The following QTRT1 variants were observed in gnomAD, a reference collection of about 807,000 sequenced individuals.
QTRT1 encodes queuine tRNA-ribosyltransferase catalytic subunit 1.
Under a neutral mutation model 44.0 loss-of-function variants are expected in QTRT1, and 41 were observed. The observed-to-expected ratio is 0.93, with a 90% CI of 0.73 to 1.21. QTRT1 has a LOEUF of 1.21. QTRT1 is among the 50% of genes most tolerant of loss of function. The pLI is 0.00. For synonymous variants in QTRT1, 226 were observed against 237.1 expected, an observed-to-expected ratio of 0.95 and a Z score of 0.43; for missense variants, 542 against 575.8, an observed-to-expected ratio of 0.94 and a Z score of 0.60.
rs544257924 is a variant in QTRT1, at chr19:10,703,583, G to A, written c.451+1329G>A. Among the ~76,000 whole-genome samples the A allele has an allele frequency of 2.0e-4, 31 of 152,224 alleles. 1 individual carries two copies. In the Middle Eastern group the frequency reaches 0.027, roughly 134 times the overall value. Reference sequence around the variant, plus strand: ...CCAGCACTTTGGGAGGCGGAGGCGCGATCATGACTCACTGCAACAGCTGCC... The same window carrying A: ...CCAGCACTTTGGGAGGCGGAGGCGCAATCATGACTCACTGCAACAGCTGCC... On this transcript the variant is annotated intron_variant, in intron 3 of 9. Transcript: ENST00000250237.
intron 5 of QTRT1, among the ~76,000 whole-genome samples, chr19:10,707,950 C>CTT (rs777900408): frequency 4.2e-5 from 6 of 141,960 alleles, no homozygotes; most frequent in Non-Finnish European, 7.7e-5. Flanking sequence ...ATTTATTTTA[C>CTT]TTTTTTTTTT....
rs892083 is a variant in QTRT1, at chr19:10,712,927, C to T, written c.972-26C>T. On this transcript the variant is annotated intron_variant, in intron 8 of 9. Transcript: ENST00000250237. This position sits in a 1 kb window ranked among gnomAD's most constrained non-coding sequence, Gnocchi z 5.6. ...ATGGAGGGGACAGGGCCTGGCCGTG[C>T]TGAGCTGTCCCCTGCCGCTCTACAG... 6.2e-7 allele frequency: 1 copy of T among 1,612,702 alleles called. No homozygotes were observed. The highest frequency in any genetic ancestry group is 1.3e-5 in the African/African-American group (1 of 74,924).
At chr19:10,709,878 G>T (rs542583338) in intron 5 of QTRT1, among the ~76,000 whole-genome samples, 22 of 152,114 alleles carry the variant, frequency 1.4e-4, no homozygotes, top group African/African-American at 5.3e-4. Flanking sequence ...AGGCATGGTG[G>T]TGGGCACCTG....
intron 3 of QTRT1, among the ~76,000 whole-genome samples, chr19:10,706,004 G>GCCA (rs1016227869): frequency 6.6e-5 from 10 of 151,406 alleles, no homozygotes; most frequent in Non-Finnish European, 1.5e-4. Flanking sequence ...ACAGGTGACC[G>GCCA]CCACCACGCC....
At chr19:10,702,441 G>A (rs1179688279) in intron 3 of QTRT1, among the ~76,000 whole-genome samples, 187 bp downstream of exon 3, 2 of 152,160 alleles carry the variant, frequency 1.3e-5, no homozygotes, top group African/African-American at 4.8e-5. Flanking sequence ...GTACATATGA[G>A]ATGATGTCAG....
At chr19:10,708,197 T>G (rs11671968) in intron 5 of QTRT1, among the ~76,000 whole-genome samples, 86,521 of 151,068 alleles carry the variant, frequency 0.57, 24,982 homozygotes, top group South Asian at 0.63. Flanking sequence ...ACTCCTGACC[T>G]TGTGATCTGC....
Position 10,701,725 on chromosome 19 carries a change from G to A in QTRT1, c.243+22G>A, listed in dbSNP as rs758957508. ...GCCGGTGGGTGGGCTCTGCCCGCGC[G>A]GGGAGGCGGCGAGGCGGCGAGGCGT... On this transcript the variant is annotated intron_variant, in intron 1 of 9. Transcript: ENST00000250237. 8.3e-6 allele frequency: 13 copies of A among 1,565,192 alleles called. No individual in the cohort carries two copies. The South Asian group carries it at 1.2e-4, about 14-fold the overall frequency.
Position 10,707,750 on chromosome 19 carries a change from C to T in QTRT1, c.646+135C>T, listed in dbSNP as rs181306246. 40 of 568,178 alleles carry T rather than the reference C, an allele frequency of 7.0e-5. 1 individual carries two copies. Among genetic ancestry groups the T allele is most frequent in the African/African-American group, 5.2e-4 (28 of 53,442 alleles). The allele number at this position is 568,178 out of a possible 1,614,324, so 35.2% of individuals were successfully genotyped here. On this transcript the variant is annotated intron_variant, in intron 5 of 9. Coordinates refer to ENST00000250237, the MANE Select transcript of QTRT1 (RefSeq NM_031209.3). Reference sequence around the variant, plus strand: ...AAAAAATAGCCGGAGCAAAGGCTCTCGGGCCACGTGCAGTAGAATGTATTG... The same window carrying T: ...AAAAAATAGCCGGAGCAAAGGCTCTTGGGCCACGTGCAGTAGAATGTATTG...
intron 5 of QTRT1, among the ~76,000 whole-genome samples, chr19:10,707,835 TG>T (rs1215177113): frequency 7.2e-5 from 2 of 27,788 alleles, no homozygotes; most frequent in East Asian, 5.6e-3. Flanking sequence ...TGTTTGTTTT[TG>T]TTTTTTTTTT....
In QTRT1 at chr19:10,712,650, G is replaced by T; in HGVS notation, c.861+22G>T. The T allele has an allele frequency of 6.5e-7, 1 of 1,539,626 alleles. No homozygotes were observed. Among genetic ancestry groups the T allele is most frequent in the Non-Finnish European group, 8.8e-7 (1 of 1,132,894 alleles). On this transcript the variant is annotated intron_variant, in intron 7 of 9. Coordinates refer to ENST00000250237, the MANE Select transcript of QTRT1 (RefSeq NM_031209.3). The surrounding 1 kb of genome is among the most constrained non-coding windows in gnomAD (Gnocchi z 5.6). Reference sequence around the variant, plus strand: ...AGCGGTGAGGCTCTGGCAGAAGGAGGTCAGGGCGGGAGACGGGTGGGGGAC... The same window carrying T: ...AGCGGTGAGGCTCTGGCAGAAGGAGTTCAGGGCGGGAGACGGGTGGGGGAC...
At position 10,712,404 on chromosome 19, in the gene QTRT1, T is replaced by G; in HGVS notation, c.785+105T>G. The G allele has an allele frequency of 1.3e-6, 2 of 1,495,126 alleles. No homozygotes were observed. The highest frequency in any genetic ancestry group is 1.8e-6 in the Non-Finnish European group (2 of 1,091,146). The allele number at this position is 1,495,126 out of a possible 1,614,324, so 92.6% of individuals were successfully genotyped here. A position where few individuals can be genotyped will look rare whatever the true frequency, so the allele number is the denominator to read the frequency against. On this transcript the variant is annotated intron_variant, in intron 6 of 9. Transcript: ENST00000250237. The surrounding 1 kb of genome is among the most constrained non-coding windows in gnomAD (Gnocchi z 5.6). ...GGCATTTGGGGGAAACGGACACAGG[T>G]CTGATCTGAGGAGACTAGGAAGACA...
Position 10,713,228 on chromosome 19 carries a change from G to A in QTRT1, c.1170G>A (p.Trp390Ter), listed in dbSNP as rs1190878234. The part of the protein sequence containing the change: ...MYGDPTLCPT[W>*]ATDALASVGI... ...GGGATCCCACCCTCTGTCCCACCTG[G>A]GCCACTGACGCTCTGGCCTCTGTGG... The change falls in exon 10 of 10, where the codon TGG becomes TGA. Residue 390 changes from tryptophan (W) to a stop codon, truncating the protein, a stop_gained. Coordinates refer to ENST00000250237, the MANE Select transcript of QTRT1 (RefSeq NM_031209.3). LOFTEE classifies it high-confidence loss of function. The surrounding 1 kb of genome is among the most constrained non-coding windows in gnomAD (Gnocchi z 4.3). 1 of 1,603,736 alleles carries A rather than the reference G, an allele frequency of 6.2e-7. No homozygotes were observed. Among genetic ancestry groups the A allele is most frequent in the Non-Finnish European group, 8.5e-7 (1 of 1,174,940 alleles).
chr19:10,703,532 T>C (rs925621151), intron 3 of QTRT1, among the ~76,000 whole-genome samples: 5 of 152,130 alleles, frequency 3.3e-5, no homozygotes, highest in Admixed American at 1.3e-4. Context: ...AGCCACGTGC[T>C]GGGTGCGGTG....
chr19:10,702,668 A>G lies in QTRT1; in HGVS notation c.451+414A>G, dbSNP rs191821487. 6.8e-3 allele frequency among the ~76,000 whole-genome samples: 1,031 copies of G among 152,174 alleles called. 11 individuals are homozygous for G. Among genetic ancestry groups the G allele is most frequent in the Middle Eastern group, 0.017 (5 of 294 alleles). ...AAATAAAAAATAAAAAATAAAAAAA[A>G]CAAATTAATTGGACAAATATCTGTT... On this transcript the variant is annotated intron_variant, in intron 3 of 9. Coordinates refer to ENST00000250237, the MANE Select transcript of QTRT1 (RefSeq NM_031209.3).
At chr19:10,710,182 C>T (rs1467159091) in intron 5 of QTRT1, among the ~76,000 whole-genome samples, 1 of 150,836 alleles carries the variant, frequency 6.6e-6, no homozygotes, top group Non-Finnish European at 1.5e-5. Flanking sequence ...GAGACCCTGT[C>T]TCAAAAAAAA....
intron 3 of QTRT1, among the ~76,000 whole-genome samples, chr19:10,705,340 G>A (rs529783620): frequency 1.3e-5 from 2 of 151,978 alleles, no homozygotes; most frequent in Admixed American, 6.6e-5. Flanking sequence ...CTGGGTTCAA[G>A]CACTTCTCCT....
intron 5 of QTRT1, among the ~76,000 whole-genome samples, chr19:10,708,641 G>A (rs755174022): frequency 4.0e-5 from 6 of 151,860 alleles, no homozygotes; most frequent in Admixed American, 3.3e-4. Context: ...CCCATGATCC[G>A]ACCAGAGTTG....
chr19:10,703,741 A>T (rs556856558), intron 3 of QTRT1, among the ~76,000 whole-genome samples: 5 of 151,372 alleles, frequency 3.3e-5, no homozygotes, highest in Admixed American at 2.6e-4. Flanking sequence ...CTGGTTACGA[A>T]CTCCTGACCT....
intron 1 of QTRT1, 123 bp from the exon 2 acceptor site, chr19:10,701,827 T>A: frequency 6.4e-7 from 1 of 1,572,282 alleles, no homozygotes; most frequent in African/African-American, 1.3e-5. Context: ...GCGCCCCCAA[T>A]GACCAGGCCT....
Sources: allele counts gnomAD v4.1 joint callset (sites outside exome capture counted in the v4.1 genomes callset), GRCh38; gene constraint gnomAD v4.1.1; non-coding constraint Gnocchi (gnomAD v3.1); transcripts MANE v1.5; gene names NCBI Gene and HGNC (gene_info 2026-07-23, HGNC 2026-07-21).